The following DPP10 variants were observed in gnomAD, a reference collection of about 807,000 sequenced individuals.
DPP10 encodes the protein inactive dipeptidyl peptidase 10.
In DPP10, 33 loss-of-function variants were observed where a neutral mutation model predicts 120.9. That is an observed-to-expected ratio of 0.27 (90% CI 0.21 to 0.37). The LOEUF (loss-of-function observed/expected upper bound fraction) is 0.37. Ranked by LOEUF, DPP10 falls within the 10% of genes least tolerant of loss-of-function variation. The pLI is 1.00. For missense variants in DPP10, 816 were observed against 942.8 expected (o/e 0.87, Z 1.76); for synonymous variants, 337 against 326.1 (o/e 1.03, Z -0.36).
At chr2:115,193,166 A>C (rs997448077) in intron 1 of DPP10, among the ~76,000 whole-genome samples, 3 of 152,228 alleles carry the variant, frequency 2.0e-5, no homozygotes, top group African/African-American at 7.2e-5. Flanking sequence ...CCCTTTTATA[A>C]CATGTTTCAC....
intron 1 of DPP10, among the ~76,000 whole-genome samples, chr2:114,512,008 A>G (rs541147885): frequency 3.6e-4 from 55 of 152,372 alleles, no homozygotes; most frequent in African/African-American, 1.3e-3. Flanking sequence ...ATCTTTAAAG[A>G]TCTGCAGATG....
intron 1 of DPP10, among the ~76,000 whole-genome samples, chr2:114,546,887 G>A (rs1364427760): frequency 1.3e-5 from 2 of 152,166 alleles, no homozygotes; most frequent in Non-Finnish European, 2.9e-5. Flanking sequence ...CATAGGCCTG[G>A]GAAATTTAAG....
intron 1 of DPP10, among the ~76,000 whole-genome samples, chr2:114,589,452 T>C (rs1395535575): frequency 6.6e-6 from 1 of 152,200 alleles, no homozygotes; most frequent in African/African-American, 2.4e-5. Context: ...TGTAATGTCA[T>C]TGATTATGTT....
chr2:115,750,775 T>TA (rs1412147228), intron 10 of DPP10, among the ~76,000 whole-genome samples: 3 of 152,190 alleles, frequency 2.0e-5, no homozygotes, highest in Non-Finnish European at 4.4e-5. Flanking sequence ...TTCTTTTTTT[T>TA]AAGTCAAAAT....
chr2:115,707,632 T>C (rs1575574126), intron 7 of DPP10, among the ~76,000 whole-genome samples: 3 of 151,742 alleles, frequency 2.0e-5, no homozygotes, highest in South Asian at 4.1e-4. Flanking sequence ...AAAAACAAAA[T>C]AGAAGACTGA....
intron 4 of DPP10, among the ~76,000 whole-genome samples, 149 bp from the exon 5 acceptor site, chr2:115,525,745 TCATA>T (rs752744631): frequency 9.9e-5 from 15 of 152,102 alleles, no homozygotes; most frequent in Non-Finnish European, 1.9e-4. Flanking sequence ...ATCTGAATAA[TCATA>T]CATACATACA....
chr2:114,916,041 AG>A (rs1694778251), intron 1 of DPP10, among the ~76,000 whole-genome samples: 1 of 152,092 alleles, frequency 6.6e-6, no homozygotes, highest in African/African-American at 2.4e-5. Flanking sequence ...ATAAAAAAAA[AG>A]TTGATGTTGT....
chr2:114,763,490 C>T (rs1314138030), intron 1 of DPP10, among the ~76,000 whole-genome samples: 2 of 152,114 alleles, frequency 1.3e-5, no homozygotes, highest in African/African-American at 4.8e-5. Context: ...GTTATCACAT[C>T]CTGACTTAAT....
chr2:114,951,868 C>G (rs1697812373), intron 1 of DPP10, among the ~76,000 whole-genome samples: 1 of 152,016 alleles, frequency 6.6e-6, no homozygotes, highest in African/African-American at 2.4e-5. Flanking sequence ...TAAAATACTT[C>G]CTTTTCTTTC....
At chr2:115,428,096 A>G (rs1039540235) in intron 3 of DPP10, among the ~76,000 whole-genome samples, 1 of 152,188 alleles carries the variant, frequency 6.6e-6, no homozygotes, top group Non-Finnish European at 1.5e-5. Context: ...CCAGTTTCCA[A>G]CAAGTTCCTC....
Position 115,014,522 on chromosome 2 carries a change from C to T in DPP10, c.61-294717C>T, listed in dbSNP as rs531529215. Among the ~76,000 whole-genome samples the T allele has an allele frequency of 3.3e-5, 5 of 151,832 alleles. No individual in the cohort carries two copies. The South Asian group carries it at 6.2e-4, about 19-fold the overall frequency. ...GCAGAACTGAAGGAGATTAGAGACA[C>T]GAAAAACCCTTCAAAAAACCAATGA... On this transcript the variant is annotated intron_variant, in intron 1 of 25. Coordinates refer to ENST00000410059, the MANE Select transcript of DPP10 (RefSeq NM_020868.6).
rs558786904 is a variant in DPP10, at chr2:114,464,936, G to T, written c.60+22098G>T. Among the ~76,000 whole-genome samples, 20 of 152,250 alleles carry T rather than the reference G, an allele frequency of 1.3e-4. 1 individual carries two copies. In the South Asian group the frequency reaches 3.9e-3, roughly 30 times the overall value. On this transcript the variant is annotated intron_variant, in intron 1 of 25. Transcript: ENST00000410059. Reference sequence around the variant, plus strand: ...TGAAAAGAGCTGCTATATATGGCATGATACCACTCATTATGTTAGTTTTCC... The same window carrying T: ...TGAAAAGAGCTGCTATATATGGCATTATACCACTCATTATGTTAGTTTTCC...
intron 4 of DPP10, among the ~76,000 whole-genome samples, chr2:115,524,275 C>A (rs895602680): frequency 6.6e-6 from 1 of 152,136 alleles, no homozygotes; most frequent in African/African-American, 2.4e-5. Flanking sequence ...AACCTGGCTA[C>A]AAATGTGAGG....
intron 1 of DPP10, among the ~76,000 whole-genome samples, chr2:114,602,277 A>G (rs1203112103): frequency 6.6e-6 from 1 of 151,866 alleles, no homozygotes; most frequent in African/African-American, 2.4e-5. Flanking sequence ...TTAGAGGTAG[A>G]GAGGGCTCAA....
chr2:115,801,412 T>C (rs1010664783), intron 19 of DPP10, among the ~76,000 whole-genome samples: 2 of 152,190 alleles, frequency 1.3e-5, no homozygotes, highest in African/African-American at 2.4e-5. Context: ...CTTTTCCTAA[T>C]TGAATACCCT....
chr2:114,872,986 G>A (rs1005215251), intron 1 of DPP10, among the ~76,000 whole-genome samples: 17 of 152,248 alleles, frequency 1.1e-4, no homozygotes, highest in African/African-American at 1.7e-4. Context: ...AAACGGCTTC[G>A]CCACATGGAA....
intron 7 of DPP10, among the ~76,000 whole-genome samples, chr2:115,724,959 G>A (rs1402112959): frequency 1.3e-5 from 2 of 152,050 alleles, no homozygotes; most frequent in Admixed American, 6.6e-5. Flanking sequence ...TTGTGAGGAC[G>A]GCACCCAGCT....
At chr2:114,719,921 T>A (rs1701597474) in intron 1 of DPP10, among the ~76,000 whole-genome samples, 1 of 152,222 alleles carries the variant, frequency 6.6e-6, no homozygotes, top group African/African-American at 2.4e-5. Context: ...CTATTGGGCC[T>A]GCAGAGCAGA....
chr2:115,170,977 A>G (rs1447875609), intron 1 of DPP10, among the ~76,000 whole-genome samples: 1 of 152,168 alleles, frequency 6.6e-6, no homozygotes, highest in Non-Finnish European at 1.5e-5. Flanking sequence ...CATGAATGCC[A>G]TCTCCAAACC....
Sources: allele counts gnomAD v4.1 joint callset (sites outside exome capture counted in the v4.1 genomes callset), GRCh38; gene constraint gnomAD v4.1.1; transcripts MANE v1.5; gene names NCBI Gene and HGNC (gene_info 2026-07-23, HGNC 2026-07-21).